GALNT11: variants seen among roughly 807,000 people sequenced by gnomAD.
GALNT11 encodes UDP-GalNAc:polypeptide N-acetylgalactosaminyltransferase 11.
In GALNT11, 47 loss-of-function variants were observed where a neutral mutation model predicts 72.7. That is an observed-to-expected ratio of 0.65 (90% CI 0.51 to 0.82). The LOEUF (loss-of-function observed/expected upper bound fraction) is 0.82, where lower values mean the gene tolerates loss of function less well. GALNT11 is among the 40% of genes least tolerant of loss of function. The probability of loss-of-function intolerance (pLI) is 0.00; values close to 1 mark genes in which losing one functional copy is unlikely to be tolerated. For synonymous variants in GALNT11, 270 were observed against 286.6 expected (o/e 0.94, Z 0.58); for missense variants, 677 against 778.4 (o/e 0.87, Z 1.55).
In GALNT11 at chr7:152,078,727, A is replaced by C. The variant is rs370935275; in HGVS notation, c.-38-15463A>C. Among the ~76,000 whole-genome samples the C allele has an allele frequency of 3.9e-5, 6 of 152,334 alleles. No individual in the cohort carries two copies. In the East Asian group the frequency reaches 1.2e-3, roughly 29 times the overall value. On this transcript the variant is annotated intron_variant, in intron 1 of 11. Coordinates refer to ENST00000430044, the MANE Select transcript of GALNT11 (RefSeq NM_022087.4). ...TGCTGAGAGTAAGTGTTTTTCTAAC[A>C]AGTGATGAATTACATGTTTTTTTTA...
At chr7:152,085,141 G>C (rs973732772) in intron 1 of GALNT11, among the ~76,000 whole-genome samples, 4 of 152,058 alleles carry the variant, frequency 2.6e-5, no homozygotes, top group African/African-American at 9.7e-5. Context: ...TCTGTGATTT[G>C]TCATAATCAT....
chr7:152,067,356 C>T (rs1221180854), intron 1 of GALNT11, among the ~76,000 whole-genome samples: 2 of 152,160 alleles, frequency 1.3e-5, no homozygotes, highest in African/African-American at 4.8e-5. Flanking sequence ...CCCTTGAGGG[C>T]GAAGTGTCTA....
At chr7:152,058,774 C>T (rs1236020331) in intron 1 of GALNT11, among the ~76,000 whole-genome samples, 1 of 152,228 alleles carries the variant, frequency 6.6e-6, no homozygotes, top group East Asian at 1.9e-4. Flanking sequence ...CTCTAAAACC[C>T]TGCTGCTACT....
At chr7:152,116,341 C>T (rs1008572009) in intron 8 of GALNT11, among the ~76,000 whole-genome samples, 1 of 152,128 alleles carries the variant, frequency 6.6e-6, no homozygotes, top group Admixed American at 6.5e-5. Flanking sequence ...ACCTCCACCT[C>T]CCAGGTTCAA....
intron 1 of GALNT11, among the ~76,000 whole-genome samples, chr7:152,033,209 A>G (rs2082390237): frequency 2.6e-5 from 4 of 152,160 alleles, no homozygotes; most frequent in Admixed American, 6.5e-5. Flanking sequence ...GGCATAGCGG[A>G]CATGGATGAG....
intron 1 of GALNT11, among the ~76,000 whole-genome samples, chr7:152,088,813 A>T (rs761559998): frequency 6.6e-6 from 1 of 152,170 alleles, no homozygotes; most frequent in Non-Finnish European, 1.5e-5. Context: ...TTATGCATTT[A>T]TGTTTTTCTA....
intron 2 of GALNT11, among the ~76,000 whole-genome samples, chr7:152,100,494 AG>A (rs2086788618): frequency 6.6e-6 from 1 of 151,636 alleles, no homozygotes; most frequent in South Asian, 2.1e-4. Flanking sequence ...TGAACCAGGG[AG>A]TTGGAGGTTG....
At chr7:152,083,895 A>T (rs1044765672) in intron 1 of GALNT11, among the ~76,000 whole-genome samples, 3 of 151,976 alleles carry the variant, frequency 2.0e-5, no homozygotes, top group African/African-American at 7.2e-5. Flanking sequence ...TGTTTTCCTC[A>T]TAAATGTTTT....
chr7:152,093,156 G>A (rs1477814355), intron 1 of GALNT11, among the ~76,000 whole-genome samples: 1 of 151,732 alleles, frequency 6.6e-6, no homozygotes, highest in Non-Finnish European at 1.5e-5. Context: ...TTGAACTCGG[G>A]AGGCAGAGGT....
intron 1 of GALNT11, among the ~76,000 whole-genome samples, chr7:152,071,623 C>T (rs1029669339): frequency 1.3e-5 from 2 of 152,146 alleles, no homozygotes; most frequent in African/African-American, 2.4e-5. Context: ...AAAGTAAAGA[C>T]AGGCATAGGA....
At chr7:152,045,378 A>C (rs2083071493) in intron 1 of GALNT11, among the ~76,000 whole-genome samples, 1 of 152,120 alleles carries the variant, frequency 6.6e-6, no homozygotes, top group African/African-American at 2.4e-5. Context: ...GTTCTTTAAA[A>C]GTTTGATAAA....
At chr7:152,046,038 T>G (rs890760862) in intron 1 of GALNT11, among the ~76,000 whole-genome samples, 1 of 152,220 alleles carries the variant, frequency 6.6e-6, no homozygotes, top group Middle Eastern at 3.2e-3. Flanking sequence ...CTTAATGTCT[T>G]TATTGACCCA....
intron 6 of GALNT11, among the ~76,000 whole-genome samples, chr7:152,109,711 A>G (rs141613555): frequency 4.1e-4 from 62 of 152,342 alleles, no homozygotes; most frequent in Admixed American, 2.2e-3. Context: ...AGTGCCAGAC[A>G]TGATATATGA....
intron 10 of GALNT11, chr7:152,120,598 A>G (rs1587519982): frequency 2.2e-6 from 1 of 464,544 alleles, no homozygotes; most frequent in Non-Finnish European, 3.8e-6. Context: ...GTCAAATTCA[A>G]TGAACAAAAT....
At chr7:152,089,288 A>G (rs1187672702) in intron 1 of GALNT11, among the ~76,000 whole-genome samples, 2 of 152,176 alleles carry the variant, frequency 1.3e-5, no homozygotes, top group African/African-American at 4.8e-5. Flanking sequence ...TCTCAAAAAA[A>G]CAATCTTAGG....
chr7:152,046,498 A>G (rs1382119789), intron 1 of GALNT11, among the ~76,000 whole-genome samples: 1 of 152,190 alleles, frequency 6.6e-6, no homozygotes, highest in Non-Finnish European at 1.5e-5. Flanking sequence ...GGGTGCGTAT[A>G]TATTCACAGT....
chr7:152,042,202 C>T (rs995097349), intron 1 of GALNT11, among the ~76,000 whole-genome samples: 1 of 152,192 alleles, frequency 6.6e-6, no homozygotes, highest in African/African-American at 2.4e-5. Context: ...CAGTCCTGCT[C>T]AGCTAAGGGG....
chr7:152,030,562 C>G (rs1204587668), intron 1 of GALNT11, among the ~76,000 whole-genome samples: 3 of 152,214 alleles, frequency 2.0e-5, no homozygotes, highest in Admixed American at 6.5e-5. Context: ...CCCTCAGTCT[C>G]TTGCCTCGGC....
intron 2 of GALNT11, among the ~76,000 whole-genome samples, chr7:152,095,620 A>G (rs964198780): frequency 9.8e-5 from 15 of 152,306 alleles, no homozygotes; most frequent in South Asian, 2.1e-4. Context: ...ACCAACTTCA[A>G]TTTTCATAAA....
Sources: gnomAD v4.1 joint callset for allele counts (sites outside exome capture counted in the v4.1 genomes callset) on GRCh38, gnomAD v4.1.1 for gene constraint, MANE v1.5 for transcripts, NCBI Gene and HGNC (gene_info 2026-07-23, HGNC 2026-07-21) for gene names.